The following ANKRD10 variants were observed in gnomAD, a reference collection of about 807,000 sequenced individuals.
ANKRD10 encodes ankyrin repeat domain-containing protein 10.
A neutral mutation model predicts 27.0 loss-of-function variants in ANKRD10; 14 were observed. The ratio of observed to expected loss-of-function variants is 0.52; its 90% CI spans 0.34 to 0.81. The LOEUF (loss-of-function observed/expected upper bound fraction) is 0.81, where lower values mean the gene tolerates loss of function less well. Ranked by LOEUF, ANKRD10 falls within the 40% of genes least tolerant of loss-of-function variation. ANKRD10 has a pLI of 0.01. For synonymous variants in ANKRD10, 250 were observed against 224.5 expected, an observed-to-expected ratio of 1.11 and a Z score of -1.01; for missense variants, 493 against 544.0, an observed-to-expected ratio of 0.91 and a Z score of 0.93.
At chr13:110,900,656 G>A in intron 3 of ANKRD10, 1 of 1,351,832 alleles carries the variant, frequency 7.4e-7, no homozygotes, top group East Asian at 4.6e-5. Flanking sequence ...CCCCTTTCTA[G>A]GATTACTTGA....
Position 110,914,955 on chromosome 13 carries a change from G to T in ANKRD10, c.-21C>A. The T allele has an allele frequency of 6.6e-7, 1 of 1,525,366 alleles. No individual in the cohort carries two copies. Among genetic ancestry groups the T allele is most frequent in the Non-Finnish European group, 8.8e-7 (1 of 1,141,806 alleles). The allele number at this position is 1,525,366 out of a possible 1,614,324, so 94.5% of individuals were successfully genotyped here. On this transcript the variant is annotated 5_prime_UTR_variant, in exon 1 of 6. Transcript: ENST00000267339. ...GACATGGTCCGTCACCGGAGAGCGCGGGGCTCGCTGGCCTAGAGGACGCGT... is the reference window on the plus strand; with the variant it reads ...GACATGGTCCGTCACCGGAGAGCGCTGGGCTCGCTGGCCTAGAGGACGCGT...
rs1253967991 is a variant in ANKRD10 at position 110,910,756 on chromosome 13, C to T, written c.225G>A (p.Val75=). The change falls in exon 2 of 6, where the codon GTG becomes GTA. Residue 75 remains valine (V), a synonymous_variant. Coordinates refer to ENST00000267339, the MANE Select transcript of ANKRD10 (RefSeq NM_017664.4). The part of the protein sequence containing the change: ...AAHFGKLECL[V]QLVRAGATLN... ...GTGTGGCTCCCGCTCTCACCAACTG[C>T]ACTAAGCACTCCAACTTCGAAAACA... 1 of 1,613,774 alleles carries T rather than the reference C, an allele frequency of 6.2e-7. No homozygotes were observed. The highest frequency in any genetic ancestry group is 1.7e-5 in the Admixed American group (1 of 59,890).
At chr13:110,895,691 C>T (rs2065208289) in intron 3 of ANKRD10, among the ~76,000 whole-genome samples, 1 of 152,172 alleles carries the variant, frequency 6.6e-6, no homozygotes, top group African/African-American at 2.4e-5. Flanking sequence ...CATTCGATTC[C>T]TTTATTCCTT....
At chr13:110,894,014 G>T in intron 3 of ANKRD10, 2 of 898,290 alleles carry the variant, frequency 2.2e-6, no homozygotes, top group Non-Finnish European at 3.5e-6. Context: ...AAAGGTCTGA[G>T]ACCTCTACAG....
chr13:110,879,822 T>A lies in ANKRD10; in HGVS notation c.1078A>T (p.Ser360Cys), dbSNP rs764387885. Residue 360 changes from serine (S) to cysteine (C), a missense_variant, in exon 6 of 6, where the codon AGT (serine) becomes TGT (cysteine). Ser to Cys is a moderately radical substitution (Grantham distance 112). Transcript: ENST00000267339. ...LNGSPSSCIA[S>C]RPSWVEDIGD... Reference sequence around the variant, plus strand: ...ATGTCTTCCACCCAGGAAGGCCTACTGGCTATGCAGCTACTTGGACTCCCG... The same window carrying A: ...ATGTCTTCCACCCAGGAAGGCCTACAGGCTATGCAGCTACTTGGACTCCCG... 35 of 1,614,248 alleles carry A rather than the reference T, an allele frequency of 2.2e-5. No individual in the cohort carries two copies. Among genetic ancestry groups the A allele is most frequent in the South Asian group, 3.3e-5 (3 of 91,088 alleles).
At chr13:110,912,216 G>A (rs991447738) in intron 1 of ANKRD10, among the ~76,000 whole-genome samples, 4 of 152,198 alleles carry the variant, frequency 2.6e-5, no homozygotes, top group Non-Finnish European at 4.4e-5. Flanking sequence ...ATGCCTGACT[G>A]CAAGCAATTC....
At position 110,879,646 on chromosome 13, in the gene ANKRD10, G is replaced by A. The variant is rs770469386; in HGVS notation, c.1254C>T (p.His418=). Residue 418 remains histidine, a synonymous_variant, in exon 6 of 6, where the codon CAC becomes CAT. Coordinates refer to ENST00000267339, the MANE Select transcript of ANKRD10 (RefSeq NM_017664.4). The part of the protein sequence containing the change: ...SAVLGTMHLH[H]GS ...AGCCAGGTCAGCGTCTCTAGGAGCC[G>A]TGGTGCAGGTGCATGGTGCCCAGCA... is the stretch of plus-strand genomic sequence containing the variant. The A allele has an allele frequency of 8.7e-6, 14 of 1,610,020 alleles. No homozygotes were observed. Among genetic ancestry groups the A allele is most frequent in the South Asian group, 5.5e-5 (5 of 90,794 alleles).
intron 3 of ANKRD10, chr13:110,900,648 C>T (rs1456210953): frequency 7.4e-7 from 1 of 1,351,796 alleles, no homozygotes; most frequent in African/African-American, 1.5e-5. Context: ...GAATGCTCCC[C>T]CTTTCTAGGA....
chr13:110,887,214 T>C (rs951393649), intron 4 of ANKRD10, among the ~76,000 whole-genome samples: 1 of 152,214 alleles, frequency 6.6e-6, no homozygotes, highest in Non-Finnish European at 1.5e-5. Context: ...ATCTGAAATT[T>C]GGGGGTTGCA....
chr13:110,903,243 G>A (rs1403845325), intron 3 of ANKRD10, among the ~76,000 whole-genome samples: 2 of 152,134 alleles, frequency 1.3e-5, no homozygotes, highest in Admixed American at 6.5e-5. Flanking sequence ...ACAACTTCAC[G>A]TGCTTGCTGA....
In ANKRD10 at chr13:110,890,177, A is replaced by G. The variant is rs924493633; in HGVS notation, c.691+2851T>C. On this transcript the variant is annotated intron_variant, in intron 4 of 5. Transcript: ENST00000267339. ...AAATTACAACGAAAACTAAAGCAAC[A>G]TATCTTTAATTCAAAACTAAAAAAC... Among the ~76,000 whole-genome samples the G allele has an allele frequency of 4.6e-5, 7 of 152,248 alleles. 1 individual carries two copies. Among genetic ancestry groups the G allele is most frequent in the South Asian group, 4.1e-4 (2 of 4,834 alleles).
intron 4 of ANKRD10, among the ~76,000 whole-genome samples, chr13:110,886,828 A>T (rs1384906498): frequency 6.6e-6 from 1 of 152,160 alleles, no homozygotes; most frequent in Non-Finnish European, 1.5e-5. Context: ...CTATCTTAAT[A>T]TTGATTCTTA....
At position 110,879,433 on chromosome 13, in the gene ANKRD10, T is replaced by C; in HGVS notation, c.*204A>G. On this transcript the variant is annotated 3_prime_UTR_variant, in exon 6 of 6. Transcript: ENST00000267339. The stretch of plus-strand genomic sequence containing the variant: ...GCACCTTATAAAAAGGACACCTCAC[T>C]GTAGAAACATCTATGCACTTAGTAA... The C allele has an allele frequency of 1.8e-6, 1 of 568,258 alleles. No individual in the cohort carries two copies. Among genetic ancestry groups the C allele is most frequent in the South Asian group, 2.3e-5 (1 of 43,098 alleles). 35.2% of individuals were successfully genotyped at this position (568,258 alleles called of 1,614,324 possible).
chr13:110,892,804 C>T, intron 4 of ANKRD10: 1 of 1,314,258 alleles, frequency 7.6e-7, no homozygotes, highest in South Asian at 2.1e-5. Flanking sequence ...TCCACATAGA[C>T]ATTTACACTT....
chr13:110,898,634 A>G (rs986569976), intron 3 of ANKRD10, among the ~76,000 whole-genome samples: 4 of 152,038 alleles, frequency 2.6e-5, no homozygotes, highest in Non-Finnish European at 4.4e-5. Flanking sequence ...CAGTGGTGCA[A>G]TCACAGCTCA....
intron 3 of ANKRD10, among the ~76,000 whole-genome samples, chr13:110,896,460 A>G (rs576647848): frequency 2.5e-4 from 38 of 152,320 alleles, no homozygotes; most frequent in Middle Eastern, 3.4e-3. Context: ...CTTGCCCCTG[A>G]AAGTCCTCAT....
intron 3 of ANKRD10, chr13:110,894,049 G>T (rs1477756689): frequency 2.5e-6 from 3 of 1,200,566 alleles, no homozygotes; most frequent in Non-Finnish European, 2.5e-6. Context: ...ATTCAAGTAG[G>T]AAGTGATGGC....
Position 110,878,747 on chromosome 13 carries a change from CTT to C in ANKRD10, c.*888_*889del, listed in dbSNP as rs990914943. ...AAGCTAATTTCTACAAAATCAAAAA[CTT>C]AATGCAGTTTTATTAAGAGAGTCAA... On this transcript the variant is annotated 3_prime_UTR_variant, in exon 6 of 6. Transcript: ENST00000267339. 6 of 152,572 alleles carry C rather than the reference CTT, an allele frequency of 3.9e-5. No homozygotes were observed. 9.5% of individuals were successfully genotyped at this position (152,572 alleles called of 1,614,324 possible).
intron 3 of ANKRD10, among the ~76,000 whole-genome samples, chr13:110,897,910 A>G (rs541561337): frequency 1.8e-4 from 28 of 152,154 alleles, no homozygotes; most frequent in Non-Finnish European, 3.7e-4. Context: ...ACAATCTCTC[A>G]TTGTGGTTTT....
Sources: allele counts gnomAD v4.1 joint callset (sites outside exome capture counted in the v4.1 genomes callset), GRCh38; gene constraint gnomAD v4.1.1; transcripts MANE v1.5; gene names NCBI Gene and HGNC (gene_info 2026-07-23, HGNC 2026-07-21).